NUMA1: variants seen among roughly 807,000 people sequenced by gnomAD.
NUMA1 encodes the protein SP-H antigen.
In NUMA1, 62 loss-of-function variants were observed where a neutral mutation model predicts 237.1. That is an observed-to-expected ratio of 0.26 (90% confidence interval 0.21 to 0.32). NUMA1 has a LOEUF of 0.32. NUMA1 is among the 10% of genes least tolerant of loss of function. NUMA1 has a pLI of 1.00. For missense variants in NUMA1, 2,533 were observed against 2,666.5 expected, an observed-to-expected ratio of 0.95 and a Z score of 1.10; for synonymous variants, 1,028 against 1,066.1, an observed-to-expected ratio of 0.96 and a Z score of 0.70.
Position 72,003,371 on chromosome 11 carries a change from G to A in NUMA1, c.*156C>T. The A allele has an allele frequency of 1.3e-6, 1 of 742,050 alleles. No individual in the cohort carries two copies. The highest frequency in any genetic ancestry group is 2.4e-6 in the Non-Finnish European group (1 of 419,694). 46.0% of individuals were successfully genotyped at this position (742,050 alleles called of 1,614,324 possible). A position where few individuals can be genotyped will look rare whatever the true frequency, so the allele number is the denominator to read the frequency against. Reference sequence around the variant, plus strand: ...GAGAAGGCGCCAGTGAAGGACCAGGGACCAGGCCAGGGTGCGGGCAGGCAT... The same window carrying A: ...GAGAAGGCGCCAGTGAAGGACCAGGAACCAGGCCAGGGTGCGGGCAGGCAT... On this transcript the variant is annotated 3_prime_UTR_variant, in exon 27 of 27. Transcript: ENST00000393695.
Position 72,012,890 on chromosome 11 carries a change from C to A in NUMA1, c.4608+5G>T. 6.2e-7 allele frequency: 1 copy of A among 1,612,924 alleles called. No homozygotes were observed. Among genetic ancestry groups the A allele is most frequent in the Non-Finnish European group, 8.5e-7 (1 of 1,179,296 alleles). On this transcript the variant is annotated splice_donor_5th_base_variant and intron_variant, in intron 15 of 26. Coordinates refer to ENST00000393695, the MANE Select transcript of NUMA1 (RefSeq NM_006185.4). ...TTGGGAGGGTGGTTGGGCTGAGTAC[C>A]TTACCTGGGCAGTGAGTTTCTGCCT...
At chr11:72,040,909 A>G (rs1341237277) in intron 2 of NUMA1, 2 of 151,618 alleles carry the variant, frequency 1.3e-5, no homozygotes, top group African/African-American at 4.9e-5. Flanking sequence ...TTGAACAAAA[A>G]CCCAGAGAAA....
Position 72,018,448 on chromosome 11 carries a change from C to T in NUMA1, c.808G>A (p.Ala270Thr). 2 of 1,614,136 alleles carry T rather than the reference C, an allele frequency of 1.2e-6. No individual in the cohort carries two copies. Among genetic ancestry groups the T allele is most frequent in the Admixed American group, 1.7e-5 (1 of 60,026 alleles). Residue 270 changes from alanine (A) to threonine (T), a missense_variant, in exon 11 of 27, where the codon GCC becomes ACC. By Grantham distance (58) the Ala-to-Thr change is moderately conservative. Transcript: ENST00000393695. Reference sequence around the variant, plus strand: ...AGCTCCTTGGGCTCCAGTGGGCTGGCCGCCTGCTTCTCATTCAGCAGGGCT... The same window carrying T: ...AGCTCCTTGGGCTCCAGTGGGCTGGTCGCCTGCTTCTCATTCAGCAGGGCT... ...RLALLNEKQA[A>T]SPLEPKELEE... is the part of the protein sequence containing the mutation.
Position 72,008,861 on chromosome 11 carries a change from C to T in NUMA1, c.5059-16G>A. The T allele has an allele frequency of 6.2e-7, 1 of 1,613,890 alleles. No individual in the cohort carries two copies. The highest frequency in any genetic ancestry group is 8.5e-7 in the Non-Finnish European group (1 of 1,179,870). On this transcript the variant is annotated splice_polypyrimidine_tract_variant and intron_variant, in intron 19 of 26. Coordinates refer to ENST00000393695, the MANE Select transcript of NUMA1 (RefSeq NM_006185.4). Reference sequence around the variant, plus strand: ...CATGGGCAACCTGAGAAGGAGAGGGCCAGGGGGAGAGTGAAGAAAAGCCTA... The same window carrying T: ...CATGGGCAACCTGAGAAGGAGAGGGTCAGGGGGAGAGTGAAGAAAAGCCTA...
chr11:72,010,770 C>T lies in NUMA1; in HGVS notation c.4719+16G>A, dbSNP rs746685950. 6.2e-7 allele frequency: 1 copy of T among 1,611,736 alleles called. No individual in the cohort carries two copies. Among genetic ancestry groups the T allele is most frequent in the Non-Finnish European group, 8.5e-7 (1 of 1,179,398 alleles). On this transcript the variant is annotated intron_variant, in intron 17 of 26. Transcript: ENST00000393695. ...CCCTTGTCCAGAGGCCAGACCCATT[C>T]CCCCAGCTGCCCCACCTTCAGCTTC... is the stretch of plus-strand genomic sequence containing the variant.
At chr11:72,018,765 C>G in intron 10 of NUMA1, 58 bp downstream of exon 10, 1 of 1,569,610 alleles carries the variant, frequency 6.4e-7, no homozygotes, top group Non-Finnish European at 8.6e-7. Context: ...CATGGGAGGC[C>G]AGGGGACATC....
chr11:72,018,621 A>T, intron 10 of NUMA1, 108 bp from the exon 11 acceptor site: 1 of 1,085,254 alleles, frequency 9.2e-7, no homozygotes, highest in South Asian at 1.4e-5. Context: ...CGGCATAGGG[A>T]AGAGGAGGAA....
At chr11:72,024,632 G>T in intron 4 of NUMA1, 1 of 448,700 alleles carries the variant, frequency 2.2e-6, no homozygotes, top group Non-Finnish European at 4.1e-6. Context: ...TCTGTGGAAA[G>T]GGGCCGAGAG....
Position 72,013,208 on chromosome 11 carries a change from C to T in NUMA1, c.4295G>A (p.Ser1432Asn), listed in dbSNP as rs575248746. The change falls in exon 15 of 27, where the codon AGC becomes AAC. Residue 1432 changes from serine (S) to asparagine (N), a missense_variant. Coordinates refer to ENST00000393695, the MANE Select transcript of NUMA1 (RefSeq NM_006185.4). The surrounding 1 kb of genome is among the most constrained non-coding windows in gnomAD (Gnocchi z 6.8). ...TAQQLRAEKA[S>N]YAEQLSMLKK... ...CAGCATGCTCAGCTGCTCTGCATAG[C>T]TGGCCTTCTCTGCCCGCAGCTGCTG... The T allele has an allele frequency of 3.1e-6, 5 of 1,610,472 alleles. No homozygotes were observed. In the East Asian group the frequency reaches 1.1e-4, roughly 36 times the overall value.
rs760228805 is a variant in NUMA1, at chr11:72,004,335, T to C, written c.6013A>G (p.Lys2005Glu). The change falls in exon 25 of 27, where the codon AAG becomes GAG. Residue 2005 changes from lysine (K) to glutamate (E), a missense_variant. Physicochemically the swap from Lys to Glu is moderately conservative, Grantham distance 56. Around this residue, in one of 3 missense-constraint regions of NUMA1, gnomAD observed 795 missense variants for 750.8 expected, o/e 1.06. Coordinates refer to ENST00000393695, the MANE Select transcript of NUMA1 (RefSeq NM_006185.4). ...HQGPGTPESK[K>E]ATSCFPRPMT... ...GGGCGTGGGAAACAGCTGGTGGCCT[T>C]CTTAGACTATGGAGAAGAGGACAGT... is the stretch of plus-strand genomic sequence containing the variant. 10 of 1,612,348 alleles carry C rather than the reference T, an allele frequency of 6.2e-6. No individual in the cohort carries two copies. The South Asian group carries it at 7.7e-5, about 12-fold the overall frequency.
chr11:72,056,635 T>TAAAAAAAAAAAAAAAAAAAAA (rs59248999), intron 2 of NUMA1, among the ~76,000 whole-genome samples: 4 of 75,998 alleles, frequency 5.3e-5, no homozygotes, highest in Admixed American at 1.4e-4. Flanking sequence ...CCCATCTCTT[T>TAAAAAAAAAAAAAAAAAAAAA]AAAAAAAAAA....
chr11:72,014,912 T>C lies in NUMA1; in HGVS notation c.2591A>G (p.Glu864Gly), dbSNP rs1403237789. The C allele has an allele frequency of 6.2e-7, 1 of 1,614,222 alleles. No homozygotes were observed. Among genetic ancestry groups the C allele is most frequent in the Admixed American group, 1.7e-5 (1 of 60,034 alleles). ...EKVAGIESHSELQISRQQNEL... is the reference protein window; with the variant it reads ...EKVAGIESHSGLQISRQQNEL... ...GTTCTGCTGCCGGCTTATCTGGAGC[T>C]CGCTGTGGGATTCTATGCCTGCCAC... Residue 864 changes from glutamate to glycine, a missense_variant, in exon 15 of 27, where the codon GAG (glutamate) becomes GGG (glycine). Glu to Gly is a moderately conservative substitution (Grantham distance 98, BLOSUM62 -2). Around this residue, in one of 3 missense-constraint regions of NUMA1, gnomAD observed 1,414 missense variants for 1,508.1 expected, o/e 0.94. Coordinates refer to ENST00000393695, the MANE Select transcript of NUMA1 (RefSeq NM_006185.4). This position sits in a 1 kb window ranked among gnomAD's most constrained non-coding sequence, Gnocchi z 4.6.
intron 11 of NUMA1, 39 bp downstream of exon 11, chr11:72,018,357 G>A: frequency 6.2e-7 from 1 of 1,606,962 alleles, no homozygotes; most frequent in East Asian, 2.2e-5. Context: ...GGTGAGGGGA[G>A]GGGCTGGGGC....
At chr11:72,027,644 A>G (rs1172431807) in intron 4 of NUMA1, among the ~76,000 whole-genome samples, 4 of 152,202 alleles carry the variant, frequency 2.6e-5, no homozygotes. Flanking sequence ...AAAGATCTTA[A>G]ACACCAGGCT....
In NUMA1 at chr11:72,056,635, T is replaced by TAAAAAAA. The variant is rs59248999; in HGVS notation, c.-33+13200_-33+13206dup. On this transcript the variant is annotated intron_variant, in intron 2 of 26. Transcript: ENST00000393695. ...GCGCCTGACCAAGATCCCATCTCTT[T>TAAAAAAA]AAAAAAAAAAAAAAAAAAAAAAAAA... is the stretch of plus-strand genomic sequence containing the variant. Among the ~76,000 whole-genome samples the TAAAAAAA allele has an allele frequency of 1.8e-3, 133 of 75,980 alleles. 9 individuals are homozygous for TAAAAAAA. Among genetic ancestry groups the TAAAAAAA allele is most frequent in the South Asian group, 4.5e-3 (9 of 1,994 alleles). The allele number at this position is 75,980 out of a possible 152,430, so 49.8% of individuals were successfully genotyped here.
chr11:72,004,596 C>T (rs775123201), intron 24 of NUMA1, 44 bp downstream of exon 24: 114 of 1,588,444 alleles, frequency 7.2e-5, no homozygotes, highest in Non-Finnish European at 9.2e-5. Context: ...TGGGCCTGAC[C>T]TGAGCACAGT....
chr11:72,041,817 C>G (rs1941689081), intron 2 of NUMA1: 1 of 152,374 alleles, frequency 6.6e-6, no homozygotes, highest in African/African-American at 2.4e-5. Context: ...TCTCTCCAGC[C>G]CATACCTTCT....
intron 21 of NUMA1, among the ~76,000 whole-genome samples, 174 bp from the exon 22 acceptor site, chr11:72,006,437 A>G (rs552691775): frequency 2.0e-5 from 3 of 152,216 alleles, no homozygotes; most frequent in Non-Finnish European, 4.4e-5. Context: ...AGAAGCCCTC[A>G]CAAGGTGGTG....
intron 2 of NUMA1, among the ~76,000 whole-genome samples, chr11:72,069,624 A>C (rs576025375): frequency 6.6e-6 from 1 of 152,188 alleles, no homozygotes; most frequent in African/African-American, 2.4e-5. Flanking sequence ...AGCAAGGGCC[A>C]ATGAAAACCT....
Sources: gnomAD v4.1 joint callset for allele counts (sites outside exome capture counted in the v4.1 genomes callset) on GRCh38, gnomAD v4.1.1 for gene constraint, gnomAD v4.1.1 regional missense constraint, Gnocchi (gnomAD v3.1) non-coding constraint, MANE v1.5 for transcripts, NCBI Gene and HGNC (gene_info 2026-07-23, HGNC 2026-07-21) for gene names.